SKP2: variants seen among roughly 807,000 people sequenced by gnomAD.
The protein encoded by SKP2 is S-phase kinase associated protein 2, also known as S-phase kinase-associated protein 2.
In SKP2, 16 loss-of-function variants were observed where a neutral mutation model predicts 51.8. The ratio of observed to expected loss-of-function variants is 0.31; its 90% CI spans 0.21 to 0.47. The LOEUF (loss-of-function observed/expected upper bound fraction) is 0.47, where lower values mean the gene tolerates loss of function less well. SKP2 is among the 20% of genes least tolerant of loss of function. The pLI, the probability that SKP2 is intolerant of heterozygous loss-of-function variation, is 1.00. For synonymous variants in SKP2, 176 were observed against 198.6 expected (o/e 0.89, Z 0.96); for missense variants, 377 against 505.3 (o/e 0.75, Z 2.43).
chr5:36,163,205 C>T (rs1745179473), intron 2 of SKP2, among the ~76,000 whole-genome samples: 1 of 152,226 alleles, frequency 6.6e-6, no homozygotes, highest in African/African-American at 2.4e-5. Context: ...CCTTCCTTTG[C>T]ACCCAGAAGC....
At chr5:36,177,863 G>A (rs1368036823) in intron 9 of SKP2, among the ~76,000 whole-genome samples, 1 of 152,118 alleles carries the variant, frequency 6.6e-6, no homozygotes, top group African/African-American at 2.4e-5. Flanking sequence ...AAACCTGATG[G>A]TGAGTTGGTG....
chr5:36,180,205 A>T (rs1267238368), intron 9 of SKP2: 1 of 1,226,244 alleles, frequency 8.2e-7, no homozygotes, highest in African/African-American at 1.5e-5. Flanking sequence ...ATTTGGATAT[A>T]CCAGAACCAG....
intron 2 of SKP2, among the ~76,000 whole-genome samples, chr5:36,162,898 C>T (rs1745167959): frequency 6.6e-6 from 1 of 152,108 alleles, no homozygotes; most frequent in Non-Finnish European, 1.5e-5. Context: ...CTCCACATGG[C>T]GGCATCAAGT....
chr5:36,187,923 A>G (rs1247959729), downstream of SKP2, among the ~76,000 whole-genome samples: 1 of 152,108 alleles, frequency 6.6e-6, no homozygotes, highest in African/African-American at 2.4e-5. Flanking sequence ...GTGCTCCTGT[A>G]TTGGGTGCAT....
downstream of SKP2, among the ~76,000 whole-genome samples, chr5:36,188,880 A>G (rs1745980067): frequency 6.6e-6 from 1 of 152,094 alleles, no homozygotes; most frequent in Admixed American, 6.5e-5. Flanking sequence ...TCATACATAG[A>G]TTTGGTCTTT....
intron 6 of SKP2, among the ~76,000 whole-genome samples, chr5:36,190,231 ACCCACTG>A: frequency 6.6e-6 from 1 of 150,772 alleles, no homozygotes; most frequent in Middle Eastern, 3.4e-3. Flanking sequence ...ACTGTCCTGC[ACCCACTG>A]TCCGACACCC....
chr5:36,168,491 G>A (rs1277541693), intron 5 of SKP2, 44 bp downstream of exon 5: 2 of 1,602,154 alleles, frequency 1.2e-6, no homozygotes, highest in Admixed American at 1.7e-5. Context: ...GATTTTATGT[G>A]TATGAATTTT....
intron 7 of SKP2, among the ~76,000 whole-genome samples, chr5:36,175,102 C>G (rs37219): frequency 0.88 from 134,071 of 152,136 alleles, 59,689 homozygotes; most frequent in Non-Finnish European, 0.94. Context: ...GACCAGTTAG[C>G]AGACTAGGCT....
intron 5 of SKP2, among the ~76,000 whole-genome samples, chr5:36,169,543 T>A (rs1374015293): frequency 6.6e-6 from 1 of 152,144 alleles, no homozygotes; most frequent in African/African-American, 2.4e-5. Flanking sequence ...ACTTGCCAGG[T>A]ACCATGGAGG....
At chr5:36,155,664 T>A (rs1744923302) in intron 2 of SKP2, among the ~76,000 whole-genome samples, 1 of 152,196 alleles carries the variant, frequency 6.6e-6, no homozygotes, top group Non-Finnish European at 1.5e-5. Context: ...ACCGCTCTTC[T>A]TTGTGTCTGG....
At chr5:36,190,737 A>G (rs1746005441) in intron 6 of SKP2, among the ~76,000 whole-genome samples, 1 of 150,556 alleles carries the variant, frequency 6.6e-6, no homozygotes, top group African/African-American at 2.5e-5. Flanking sequence ...TCCAGTTTCA[A>G]CAGTCATTGA....
chr5:36,166,606 G>T lies in SKP2; in HGVS notation c.480G>T (p.Val160=). The T allele has an allele frequency of 6.2e-7, 1 of 1,613,950 alleles. No individual in the cohort carries two copies. Among genetic ancestry groups the T allele is most frequent in the Admixed American group, 1.7e-5 (1 of 60,004 alleles). ...CTGGTCGGTTGCTGTCTCAAGGGGT[G>T]ATTGCCTTCCGCTGCCCACGATCAT... The part of the protein sequence containing the change: ...DVTGRLLSQG[V]IAFRCPRSFM... The change falls in exon 4 of 10, where the codon GTG becomes GTT. Residue 160 remains valine, a synonymous_variant. Transcript: ENST00000274255.
chr5:36,163,824 T>C, intron 3 of SKP2, 68 bp downstream of exon 3: 1 of 1,084,660 alleles, frequency 9.2e-7, no homozygotes, highest in Non-Finnish European at 1.4e-6. Flanking sequence ...TTATTCGTTT[T>C]GGTCTGATGA....
intron 6 of SKP2, among the ~76,000 whole-genome samples, chr5:36,190,463 G>GCAA: frequency 7.7e-6 from 1 of 130,456 alleles, no homozygotes; most frequent in African/African-American, 2.9e-5. Flanking sequence ...AAAGTCAGCA[G>GCAA]CATTTTAAAA....
At chr5:36,158,055 T>C (rs1033841359) in intron 2 of SKP2, among the ~76,000 whole-genome samples, 9 of 152,316 alleles carry the variant, frequency 5.9e-5, no homozygotes, top group African/African-American at 1.9e-4. Context: ...GTGATTGTAG[T>C]AGGTTTGCTG....
At chr5:36,178,128 TG>T (rs1745692811) in intron 9 of SKP2, among the ~76,000 whole-genome samples, 1 of 152,134 alleles carries the variant, frequency 6.6e-6, no homozygotes, top group Non-Finnish European at 1.5e-5. Flanking sequence ...TAATGGCAAA[TG>T]TACATGTGTA....
At chr5:36,174,792 G>A (rs988471000) in intron 7 of SKP2, among the ~76,000 whole-genome samples, 6 of 152,126 alleles carry the variant, frequency 3.9e-5, no homozygotes, top group African/African-American at 4.8e-5. Flanking sequence ...AACTGACTGA[G>A]TGAAGAAGGA....
At chr5:36,166,797 C>T (rs906545559) in intron 4 of SKP2, 135 bp downstream of exon 4, 60 of 705,490 alleles carry the variant, frequency 8.5e-5, no homozygotes, top group South Asian at 1.2e-4. Context: ...GATGTTAATT[C>T]CATACTTTGC....
intron 2 of SKP2, among the ~76,000 whole-genome samples, chr5:36,156,560 G>A (rs1027973365): frequency 1.3e-5 from 2 of 152,190 alleles, no homozygotes; most frequent in African/African-American, 4.8e-5. Context: ...TGGAGTGAGT[G>A]TATGGAAAGA....
Sources: gnomAD v4.1 joint callset for allele counts (sites outside exome capture counted in the v4.1 genomes callset) on GRCh38, gnomAD v4.1.1 for gene constraint, MANE v1.5 for transcripts, NCBI Gene and HGNC (gene_info 2026-07-23, HGNC 2026-07-21) for gene names.